Variants in LOC400499 observed in about 807,000 individuals in gnomAD.
At chr16:11,473,405 CTT>C in the LOC400499 span, among the ~76,000 whole-genome samples, 4 of 151,026 alleles carry the variant, frequency 2.6e-5, no homozygotes, top group South Asian at 8.4e-4. Context: ...TATTTCCTGT[CTT>C]TTTACCCAGT....
the LOC400499 span, among the ~76,000 whole-genome samples, chr16:11,428,408 G>A: frequency 0.16 from 23,813 of 151,958 alleles, 3,669 homozygotes; most frequent in African/African-American, 0.39. Flanking sequence ...TCCTGACCTC[G>A]GGTGATCCAC....
the LOC400499 span, among the ~76,000 whole-genome samples, chr16:11,376,976 G>C: frequency 2.1e-5 from 3 of 142,398 alleles, no homozygotes; most frequent in African/African-American, 7.8e-5. Flanking sequence ...GTCTCACTGT[G>C]TTGCCCAGGC....
the LOC400499 span, among the ~76,000 whole-genome samples, chr16:11,486,823 T>C: frequency 3.1e-5 from 1 of 31,836 alleles, no homozygotes; most frequent in Non-Finnish European, 5.4e-5. Context: ...GGCGGGCGGG[T>C]GGGTGGTTGG....
chr16:11,402,339 C>T, the LOC400499 span: 7 of 393,976 alleles, frequency 1.8e-5, no homozygotes, highest in Non-Finnish European at 3.1e-5. Context: ...GCTTTGTCAC[C>T]ATTACCACTC....
At chr16:11,380,341 C>G in the LOC400499 span, among the ~76,000 whole-genome samples, 6 of 151,658 alleles carry the variant, frequency 4.0e-5, no homozygotes, top group African/African-American at 4.8e-5. Context: ...TTTCTCTGGC[C>G]GGACACAAGG....
the LOC400499 span, chr16:11,440,696 G>A: frequency 2.5e-6 from 1 of 398,956 alleles, no homozygotes; most frequent in Non-Finnish European, 4.4e-6. Context: ...GCCTCCCTCG[G>A]CAAGGGAGCA....
chr16:11,385,492 G>A, the LOC400499 span: 2 of 1,031,140 alleles, frequency 1.9e-6, no homozygotes, highest in Non-Finnish European at 2.5e-6. Context: ...ATGCCTGCTG[G>A]GTGCCCCGGA....
the LOC400499 span, among the ~76,000 whole-genome samples, chr16:11,443,124 G>C: frequency 2.6e-5 from 4 of 151,944 alleles, no homozygotes; most frequent in South Asian, 4.1e-4. Context: ...AGGAGCTCGA[G>C]ACCAGCCTGG....
the LOC400499 span, among the ~76,000 whole-genome samples, chr16:11,503,903 A>G: frequency 1.8e-4 from 27 of 152,166 alleles, no homozygotes; most frequent in Admixed American, 7.9e-4. Flanking sequence ...CGTCTATCCA[A>G]AAAATGTCAG....
the LOC400499 span, chr16:11,472,091 A>C: frequency 5.9e-6 from 2 of 341,562 alleles, no homozygotes; most frequent in Non-Finnish European, 1.0e-5. Context: ...CATCCACTAG[A>C]TGCCAGTAAC....
chr16:11,516,686 G>C, the LOC400499 span, among the ~76,000 whole-genome samples: 3 of 152,152 alleles, frequency 2.0e-5, no homozygotes, highest in African/African-American at 7.2e-5. Context: ...CCTTTTTTGT[G>C]GACCAGTCTC....
chr16:11,460,979 G>A, the LOC400499 span: 3 of 1,535,150 alleles, frequency 2.0e-6, no homozygotes, highest in South Asian at 1.2e-5. Flanking sequence ...AGGCTGTACT[G>A]GATCCTCAGG....
the LOC400499 span, among the ~76,000 whole-genome samples, chr16:11,439,972 C>G: frequency 2.0e-5 from 3 of 152,112 alleles, no homozygotes; most frequent in African/African-American, 7.2e-5. Flanking sequence ...CATCCCATTT[C>G]CCAGCTAGCA....
At chr16:11,424,644 A>T in the LOC400499 span, among the ~76,000 whole-genome samples, 1 of 152,184 alleles carries the variant, frequency 6.6e-6, no homozygotes, top group Non-Finnish European at 1.5e-5. Flanking sequence ...CTCCCCGAGG[A>T]AAGGACACAA....
the LOC400499 span, among the ~76,000 whole-genome samples, chr16:11,375,731 C>CCTTTTT: frequency 2.1e-5 from 2 of 96,536 alleles, no homozygotes; most frequent in Non-Finnish European, 2.5e-5. Context: ...GTCCTTTGTA[C>CCTTTTT]ATTTTTTTTT....
At chr16:11,486,107 A>C in the LOC400499 span, among the ~76,000 whole-genome samples, 1 of 149,914 alleles carries the variant, frequency 6.7e-6, no homozygotes, top group Non-Finnish European at 1.5e-5. Flanking sequence ...TAGATGGATG[A>C]ATGATACATG....
the LOC400499 span, among the ~76,000 whole-genome samples, chr16:11,437,420 G>A: frequency 2.6e-5 from 4 of 152,188 alleles, no homozygotes; most frequent in Non-Finnish European, 4.4e-5. Flanking sequence ...TTAGCTGAGC[G>A]TGGTGGCATG....
chr16:11,410,981 C>G, the LOC400499 span, among the ~76,000 whole-genome samples: 1 of 152,252 alleles, frequency 6.6e-6, no homozygotes, highest in Non-Finnish European at 1.5e-5. Flanking sequence ...TGCCAGGCGC[C>G]AGGCACTGGG....
chr16:11,513,326 G>A, the LOC400499 span, among the ~76,000 whole-genome samples: 1 of 150,786 alleles, frequency 6.6e-6, no homozygotes, highest in Non-Finnish European at 1.5e-5. Flanking sequence ...GATCACCTGT[G>A]CCTGGGGAGG....
Sources: gnomAD v4.1 joint callset for allele counts (sites outside exome capture counted in the v4.1 genomes callset) on GRCh38, gnomAD v4.1.1 for gene constraint, MANE v1.5 for transcripts.